Variants in NUBP1 observed in about 807,000 individuals in gnomAD.
NUBP1 encodes the protein NUBP iron-sulfur cluster assembly factor 1, cytosolic.
NUBP1 carries 46 observed loss-of-function variants against 41.8 expected under a neutral mutation model. The observed-to-expected ratio is 1.10, with a 90% CI of 0.87 to 1.41. The LOEUF (loss-of-function observed/expected upper bound fraction) is 1.41, where lower values mean the gene tolerates loss of function less well. Among genes scored for constraint, NUBP1 ranks in the 40% most tolerant of loss-of-function variants. The probability of loss-of-function intolerance (pLI) is 0.00; values close to 1 mark genes in which losing one functional copy is unlikely to be tolerated. For synonymous variants in NUBP1, 189 were observed against 154.6 expected (o/e 1.22, Z -1.65); for missense variants, 494 against 414.0 (o/e 1.19, Z -1.68).
At chr16:10,744,460 G>T (rs879880481) in intron 2 of NUBP1, among the ~76,000 whole-genome samples, 3 of 152,238 alleles carry the variant, frequency 2.0e-5, no homozygotes, top group Non-Finnish European at 4.4e-5. Context: ...GGCTCTGCCA[G>T]CTACTTTCTT....
At position 10,766,740 on chromosome 16, in the gene NUBP1, G is replaced by C; in HGVS notation, c.821-1209G>C. The C allele has an allele frequency of 2.5e-6, 1 of 394,368 alleles. No individual in the cohort carries two copies. 24.4% of individuals were successfully genotyped at this position (394,368 alleles called of 1,614,324 possible). ...ACTCCACGGTGTGGGAGGAGAACGG[G>C]CCTGAGAATAGGGGCTCAAAGGCCC... On this transcript the variant is annotated intron_variant, in intron 9 of 10. Coordinates refer to ENST00000283027, the MANE Select transcript of NUBP1 (RefSeq NM_002484.4). This position sits in a 1 kb window ranked among gnomAD's most constrained non-coding sequence, Gnocchi z 4.8.
In NUBP1 at chr16:10,765,486, C is replaced by T. The variant is rs2030741682; in HGVS notation, c.821-2463C>T. ...TCACACCACTGCACTCCAGCCTGGG[C>T]GACAGAGCAAGAACCTGTCTCAAAA... is the stretch of plus-strand genomic sequence containing the variant. On this transcript the variant is annotated intron_variant, in intron 9 of 10. Transcript: ENST00000283027. The surrounding 1 kb of genome is among the most constrained non-coding windows in gnomAD (Gnocchi z 4.0). Among the ~76,000 whole-genome samples the T allele has an allele frequency of 1.3e-5, 2 of 151,988 alleles. No homozygotes were observed. The highest frequency in any genetic ancestry group is 4.2e-4 in the South Asian group (2 of 4,804).
Position 10,761,297 on chromosome 16 carries a change from T to G in NUBP1, c.607-67T>G, listed in dbSNP as rs2029876533. On this transcript the variant is annotated intron_variant, in intron 7 of 10. Coordinates refer to ENST00000283027, the MANE Select transcript of NUBP1 (RefSeq NM_002484.4). ...GATCCACTGCATTGCAGCCATCCCC[T>G]CGGTTGCACAGACATTCCCTTTCTC... 8 of 1,426,982 alleles carry G rather than the reference T, an allele frequency of 5.6e-6. No homozygotes were observed. In the South Asian group the frequency reaches 9.5e-5, roughly 17 times the overall value. 88.4% of individuals were successfully genotyped at this position (1,426,982 alleles called of 1,614,324 possible).
rs757236292 is a variant in NUBP1, at chr16:10,769,142, G to T, written c.*37G>T. On this transcript the variant is annotated 3_prime_UTR_variant, in exon 11 of 11. Coordinates refer to ENST00000283027, the MANE Select transcript of NUBP1 (RefSeq NM_002484.4). The stretch of plus-strand genomic sequence containing the variant: ...GTTCAGGACCAAGCAGTTACCGAGC[G>T]AGGCACTCACTGGGCAGCACATCCA... 6.2e-7 allele frequency: 1 copy of T among 1,603,594 alleles called. No individual in the cohort carries two copies. Among genetic ancestry groups the T allele is most frequent in the African/African-American group, 1.3e-5 (1 of 74,706 alleles).
At chr16:10,764,193 C>G (rs966424818) in intron 9 of NUBP1, among the ~76,000 whole-genome samples, 1 of 152,252 alleles carries the variant, frequency 6.6e-6, no homozygotes, top group Middle Eastern at 3.2e-3. Flanking sequence ...CATCCCAGCC[C>G]GAAGGAGCGT....
rs2030773953 is a variant in NUBP1 at position 10,765,674 on chromosome 16, C to T, written c.821-2275C>T. Among the ~76,000 whole-genome samples, 1 of 152,210 alleles carries T rather than the reference C, an allele frequency of 6.6e-6. No individual in the cohort carries two copies. The highest frequency in any genetic ancestry group is 2.4e-5 in the African/African-American group (1 of 41,446). The stretch of plus-strand genomic sequence containing the variant: ...AGAGCCAGCAACCTCCATCTTCCCA[C>T]CTCCCTCACACCAAGCCCTGGCATT... On this transcript the variant is annotated intron_variant, in intron 9 of 10. Coordinates refer to ENST00000283027, the MANE Select transcript of NUBP1 (RefSeq NM_002484.4). This position sits in a 1 kb window ranked among gnomAD's most constrained non-coding sequence, Gnocchi z 4.0.
In NUBP1 at chr16:10,757,199, G is replaced by A. The variant is rs1900619801; in HGVS notation, c.451+419G>A. ...ACCTGTAATCCCAGCTACTCGAGAG[G>A]CTGAGGCAGGAGAACCCAGGAGGCG... On this transcript the variant is annotated intron_variant, in intron 6 of 10. Transcript: ENST00000283027. This position sits in a 1 kb window ranked among gnomAD's most constrained non-coding sequence, Gnocchi z 4.1. 6.6e-6 allele frequency among the ~76,000 whole-genome samples: 1 copy of A among 152,110 alleles called. No homozygotes were observed. Among genetic ancestry groups the A allele is most frequent in the South Asian group, 2.1e-4 (1 of 4,824 alleles).
At chr16:10,762,518 C>T (rs181055612) in intron 9 of NUBP1, among the ~76,000 whole-genome samples, 1 of 152,218 alleles carries the variant, frequency 6.6e-6, no homozygotes, top group Non-Finnish European at 1.5e-5. Context: ...CGAAGCTGCT[C>T]CCCCAGGAGG....
rs929009868 is a variant in NUBP1 at position 10,743,996 on chromosome 16, G to A, written c.55G>A (p.Gly19Arg). The A allele has an allele frequency of 1.3e-6, 2 of 1,582,280 alleles. No individual in the cohort carries two copies. Among genetic ancestry groups the A allele is most frequent in the Non-Finnish European group, 1.7e-6 (2 of 1,169,922 alleles). The part of the protein sequence containing the change: ...PGADSAQAGR[G>R]ASCQGCPNQR... ...GGCCGACAGCGCCCAGGCGGGCAGA[G>A]GGGCTTCATGTCAGGGATGCCCCAA... Residue 19 changes from glycine to arginine, a missense_variant, in exon 2 of 11, where the codon GGG (glycine) becomes AGG (arginine). Physicochemically the swap from Gly to Arg is moderately radical, Grantham distance 125. Transcript: ENST00000283027.
At chr16:10,745,295 C>T (rs974123410) in intron 2 of NUBP1, among the ~76,000 whole-genome samples, 2 of 151,822 alleles carry the variant, frequency 1.3e-5, no homozygotes, top group Admixed American at 1.3e-4. Context: ...ATGGTGAAAC[C>T]TGTCTCTACT....
At position 10,761,409 on chromosome 16, in the gene NUBP1, A is replaced by G; in HGVS notation, c.652A>G (p.Lys218Glu). ...DVRKEINFCR[K>E]VKLPIIGVVE... ...CCGGAAAGAAATCAACTTCTGCCGCAAGGTGAAGCTGCCCATCATCGGGGT... is the reference window on the plus strand; with the variant it reads ...CCGGAAAGAAATCAACTTCTGCCGCGAGGTGAAGCTGCCCATCATCGGGGT... The change falls in exon 8 of 11, where the codon AAG becomes GAG. Residue 218 changes from lysine to glutamate, a missense_variant. Lys to Glu is a moderately conservative substitution (Grantham distance 56). Transcript: ENST00000283027. 6.2e-7 allele frequency: 1 copy of G among 1,614,136 alleles called. No individual in the cohort carries two copies. The highest frequency in any genetic ancestry group is 8.5e-7 in the Non-Finnish European group (1 of 1,180,004).
At chr16:10,758,175 C>G (rs748269995) in intron 7 of NUBP1, 148 bp downstream of exon 7, 138 of 918,996 alleles carry the variant, frequency 1.5e-4, no homozygotes, top group Non-Finnish European at 1.9e-4. Context: ...GCAGAAACCT[C>G]GTGTTAAAAA....
chr16:10,744,124 G>C lies in NUBP1; in HGVS notation c.124+59G>C. 8 of 1,379,044 alleles carry C rather than the reference G, an allele frequency of 5.8e-6. 1 individual carries two copies. The South Asian group carries it at 1.1e-4, about 19-fold the overall frequency. 85.4% of individuals were successfully genotyped at this position (1,379,044 alleles called of 1,614,324 possible). On this transcript the variant is annotated intron_variant, in intron 2 of 10. Coordinates refer to ENST00000283027, the MANE Select transcript of NUBP1 (RefSeq NM_002484.4). ...GAGGCGCAGGCCCGGAAAAGGCGGG[G>C]CGTGGGAGGGAGGGGGCGGGATCTG...
chr16:10,754,199 G>C (rs1900447983), intron 4 of NUBP1, among the ~76,000 whole-genome samples: 1 of 151,758 alleles, frequency 6.6e-6, no homozygotes, highest in Non-Finnish European at 1.5e-5. Context: ...AAATAGGAAT[G>C]AATGGTTTTG....
chr16:10,761,069 C>A (rs1900932285), intron 7 of NUBP1: 3 of 290,568 alleles, frequency 1.0e-5, no homozygotes, highest in Admixed American at 4.9e-5. Flanking sequence ...CAAACACTTA[C>A]AAAACCATCA....
intron 7 of NUBP1, among the ~76,000 whole-genome samples, chr16:10,758,530 A>G (rs1900726968): frequency 6.6e-6 from 1 of 152,178 alleles, no homozygotes; most frequent in Non-Finnish European, 1.5e-5. Flanking sequence ...GCTGACAACC[A>G]TTCAACGATT....
Position 10,757,908 on chromosome 16 carries a change from G to T in NUBP1, c.487G>T (p.Gly163Ter), listed in dbSNP as rs2142727656. 5 of 1,614,092 alleles carry T rather than the reference G, an allele frequency of 3.1e-6. No homozygotes were observed. In the South Asian group the frequency reaches 5.5e-5, roughly 18 times the overall value. ...IKQFLRDVDW[G>*]EVDYLIVDTP... ...GCAGTTCCTCCGAGATGTGGACTGG[G>T]GAGAGGTCGACTACCTCATTGTGGA... The change falls in exon 7 of 11, where the codon GGA becomes TGA. Residue 163 changes from glycine to a stop codon, truncating the protein, a stop_gained. Coordinates refer to ENST00000283027, the MANE Select transcript of NUBP1 (RefSeq NM_002484.4). LOFTEE classifies it high-confidence loss of function. The surrounding 1 kb of genome is among the most constrained non-coding windows in gnomAD (Gnocchi z 4.1).
chr16:10,752,752 A>C, intron 4 of NUBP1, 74 bp downstream of exon 4: 178 of 1,221,804 alleles, frequency 1.5e-4, no homozygotes, highest in Non-Finnish European at 2.0e-4. Flanking sequence ...GTCAAACCTC[A>C]ACAAAGAGGC....
Position 10,761,824 on chromosome 16 carries a change from C to G in NUBP1, c.785C>G (p.Pro262Arg), listed in dbSNP as rs747758600. 2.5e-6 allele frequency: 4 copies of G among 1,614,128 alleles called. No homozygotes were observed. The highest frequency in any genetic ancestry group is 2.5e-6 in the Non-Finnish European group (3 of 1,179,978). The change falls in exon 9 of 11, where the codon CCT (proline) becomes CGT (arginine). Residue 262 changes from proline to arginine, a missense_variant. Transcript: ENST00000283027. ...AELMCQDLEV[P>R]LLGRVPLDPL... ...CTCATGTGCCAGGACTTGGAGGTCC[C>G]TCTCCTCGGCAGAGTGCCCCTGGAT...
Sources: gnomAD v4.1 joint callset for allele counts (sites outside exome capture counted in the v4.1 genomes callset) on GRCh38, gnomAD v4.1.1 for gene constraint, Gnocchi (gnomAD v3.1) non-coding constraint, MANE v1.5 for transcripts, NCBI Gene and HGNC (gene_info 2026-07-23, HGNC 2026-07-21) for gene names.